The following ACSM3 variants were observed in gnomAD, a reference collection of about 807,000 sequenced individuals.
ACSM3 encodes acyl-CoA synthetase medium chain family member 3, also known as acyl-coenzyme A synthetase ACSM3, mitochondrial.
A neutral mutation model predicts 74.1 loss-of-function variants in ACSM3; 61 were observed. The ratio of observed to expected loss-of-function variants is 0.82; its 90% CI spans 0.67 to 1.02. The LOEUF (loss-of-function observed/expected upper bound fraction) is 1.02, where lower values mean the gene tolerates loss of function less well. ACSM3 is among the 50% of genes least tolerant of loss of function. ACSM3 has a pLI of 0.00. For missense variants in ACSM3, 660 were observed against 697.0 expected, an observed-to-expected ratio of 0.95 and a Z score of 0.60; for synonymous variants, 213 against 241.5, an observed-to-expected ratio of 0.88 and a Z score of 1.09.
At chr16:20,796,573 C>T (rs536407182) in intron 13 of ACSM3, 84 bp downstream of exon 13, 1 of 1,582,946 alleles carries the variant, frequency 6.3e-7, no homozygotes, top group Non-Finnish European at 8.5e-7. Flanking sequence ...TGAATATTTT[C>T]TTCACACATG....
At chr16:20,747,134 G>C (rs2079961268) in intron 1 of ACSM3, among the ~76,000 whole-genome samples, 1 of 151,992 alleles carries the variant, frequency 6.6e-6, no homozygotes, top group Non-Finnish European at 1.5e-5. Context: ...CGATAGACAG[G>C]GCTCTGGAAG....
At chr16:20,693,642 T>C (rs1305924876) in intron 1 of ACSM3, among the ~76,000 whole-genome samples, 1 of 152,236 alleles carries the variant, frequency 6.6e-6, no homozygotes, top group Admixed American at 6.5e-5. Flanking sequence ...TGGCTGGAGC[T>C]GAGAATTGTC....
At position 20,743,238 on chromosome 16, in the gene ACSM3, G is replaced by A. The variant is rs114184047; in HGVS notation, c.-189-6672G>A. 6.7e-3 allele frequency among the ~76,000 whole-genome samples: 1,013 copies of A among 152,120 alleles called. 18 individuals are homozygous for A. Among genetic ancestry groups the A allele is most frequent in the African/African-American group, 0.023 (949 of 41,502 alleles). On this transcript the variant is annotated intron_variant, in intron 1 of 3. Transcript: ENST00000561584. ...CAGGCGTGAGCCACCGCGCCTGGCC[G>A]TATTTTGTCTTGTTTTTTCCCCTCG...
intron 1 of ACSM3, among the ~76,000 whole-genome samples, chr16:20,688,739 C>T (rs887034906): frequency 1.3e-5 from 2 of 151,792 alleles, no homozygotes; most frequent in Non-Finnish European, 2.9e-5. Context: ...GTTCACTATC[C>T]CTAGACTTGC....
intron 1 of ACSM3, among the ~76,000 whole-genome samples, chr16:20,706,071 G>A (rs762663803): frequency 1.0e-4 from 14 of 135,074 alleles, no homozygotes; most frequent in Non-Finnish European, 1.6e-4. Context: ...AAGCCTCAGT[G>A]AATCGTGGAA....
chr16:20,737,235 T>C (rs372725221), intron 1 of ACSM3: 1 of 1,614,112 alleles, frequency 6.2e-7, no homozygotes, highest in Non-Finnish European at 8.5e-7. Flanking sequence ...CACTGTGTAC[T>C]GTGGATTGGT....
At chr16:20,742,013 G>C (rs903198814) in intron 1 of ACSM3, 1 of 1,477,398 alleles carries the variant, frequency 6.8e-7, no homozygotes. Context: ...AAGTGGTGTC[G>C]GTGGCTCCTC....
At chr16:20,728,602 C>T (rs4783485) in intron 1 of ACSM3, 274,960 of 423,480 alleles carry the variant, frequency 0.65, 92,604 homozygotes, top group Non-Finnish European at 0.72. Flanking sequence ...ATTTCATCAG[C>T]AGTAAAATGC....
chr16:20,711,194 A>G (rs2079742700), intron 1 of ACSM3, among the ~76,000 whole-genome samples: 2 of 152,094 alleles, frequency 1.3e-5, no homozygotes, highest in South Asian at 4.1e-4. Flanking sequence ...TGTTATTCCC[A>G]TTTTACAGAT....
At chr16:20,783,765 C>G (rs902133281) in intron 7 of ACSM3, among the ~76,000 whole-genome samples, 3 of 152,080 alleles carry the variant, frequency 2.0e-5, no homozygotes, top group Admixed American at 2.0e-4. Flanking sequence ...CTTGTCTATT[C>G]TCCCTGAAAA....
intron 3 of ACSM3, among the ~76,000 whole-genome samples, chr16:20,756,466 C>T (rs1383426779): frequency 6.6e-6 from 1 of 151,982 alleles, no homozygotes; most frequent in South Asian, 2.1e-4. Flanking sequence ...CCTTTGCCCA[C>T]TTTTTGATGG....
At chr16:20,782,850 T>C (rs539492786) in intron 7 of ACSM3, among the ~76,000 whole-genome samples, 1 of 152,266 alleles carries the variant, frequency 6.6e-6, no homozygotes, top group African/African-American at 2.4e-5. Context: ...TACAGATGAA[T>C]AGCTAGCCAG....
intron 1 of ACSM3, chr16:20,734,004 G>C (rs1290161435): frequency 1.3e-5 from 2 of 152,090 alleles, no homozygotes; most frequent in Non-Finnish European, 2.9e-5. Context: ...ATAAACAGTT[G>C]ATAAACCTGA....
intron 1 of ACSM3, among the ~76,000 whole-genome samples, chr16:20,720,059 T>C (rs2079779950): frequency 6.6e-6 from 1 of 152,194 alleles, no homozygotes; most frequent in Non-Finnish European, 1.5e-5. Flanking sequence ...TCACCTGTTA[T>C]TTTGCTAACT....
chr16:20,791,374 C>T (rs1044023885), intron 10 of ACSM3, among the ~76,000 whole-genome samples: 3 of 152,168 alleles, frequency 2.0e-5, no homozygotes, highest in African/African-American at 7.2e-5. Context: ...CTCTCTTTTC[C>T]TACCAGCATT....
chr16:20,738,044 A>G, intron 1 of ACSM3: 1 of 1,215,430 alleles, frequency 8.2e-7, no homozygotes, highest in Admixed American at 2.2e-5. Context: ...CAATGACATA[A>G]GTTGACAGAA....
At chr16:20,780,486 A>C in intron 4 of ACSM3, 17 of 753,154 alleles carry the variant, frequency 2.3e-5, no homozygotes, top group Non-Finnish European at 2.9e-5. Context: ...AAAGCTAGGA[A>C]AGCAGCTATT....
intron 2 of ACSM3, among the ~76,000 whole-genome samples, chr16:20,775,555 G>C (rs1567349441): frequency 6.6e-6 from 1 of 152,120 alleles, no homozygotes; most frequent in African/African-American, 2.4e-5. Flanking sequence ...AGGTCTCAGA[G>C]AGTTTTGTCA....
At chr16:20,683,740 T>TC (rs2079496333) in intron 1 of ACSM3, among the ~76,000 whole-genome samples, 1 of 151,318 alleles carries the variant, frequency 6.6e-6, no homozygotes, top group Non-Finnish European at 1.5e-5. Flanking sequence ...TTTCTTTCTT[T>TC]TTGTATTTTA....
Sources: allele counts gnomAD v4.1 joint callset (sites outside exome capture counted in the v4.1 genomes callset), GRCh38; gene constraint gnomAD v4.1.1; transcripts MANE v1.5; gene names NCBI Gene and HGNC (gene_info 2026-07-23, HGNC 2026-07-21).